The following TSHZ2 variants were observed in gnomAD, a reference collection of about 807,000 sequenced individuals.
TSHZ2 encodes teashirt homolog 2.
A neutral mutation model predicts 74.4 loss-of-function variants in TSHZ2; 21 were observed. The observed-to-expected ratio is 0.28, with a 90% CI of 0.20 to 0.41. TSHZ2 has a LOEUF of 0.41. TSHZ2 is among the 10% of genes least tolerant of loss of function. The probability of loss-of-function intolerance (pLI) is 1.00; values close to 1 mark genes in which losing one functional copy is unlikely to be tolerated. For missense variants in TSHZ2, 1,244 were observed against 1,293.5 expected, an observed-to-expected ratio of 0.96 and a Z score of 0.59; for synonymous variants, 540 against 515.3, an observed-to-expected ratio of 1.05 and a Z score of -0.65.
chr20:53,050,967 C>T (rs6068440), intron 1 of TSHZ2, among the ~76,000 whole-genome samples: 34,930 of 152,146 alleles, frequency 0.23, 7,588 homozygotes, highest in African/African-American at 0.57. Context: ...TTAGAGCTTT[C>T]AATAGATTAA....
rs554381777 is a variant in TSHZ2 at position 53,487,819 on chromosome 20, T to C, written c.*684T>C. On this transcript the variant is annotated 3_prime_UTR_variant, in exon 3 of 3. Transcript: ENST00000371497. ...TCATCTTCTGTGAAACTTGCTCAAA[T>C]AGTTAAGCTTAACCATGTTGCTGCC... 3.3e-5 allele frequency: 5 copies of C among 152,318 alleles called. No homozygotes were observed. In the South Asian group the frequency reaches 1.0e-3, roughly 32 times the overall value. 9.4% of individuals were successfully genotyped at this position (152,318 alleles called of 1,614,324 possible). A position where few individuals can be genotyped will look rare whatever the true frequency, so the allele number is the denominator to read the frequency against.
intron 2 of TSHZ2, among the ~76,000 whole-genome samples, chr20:53,449,138 G>C (rs1453033509): frequency 6.6e-6 from 1 of 152,098 alleles, no homozygotes; most frequent in African/African-American, 2.4e-5. Flanking sequence ...GATCACTCCA[G>C]ATTACCCTTT....
At chr20:53,324,681 ATCACC>A (rs1394221960) in intron 2 of TSHZ2, among the ~76,000 whole-genome samples, 2 of 152,262 alleles carry the variant, frequency 1.3e-5, no homozygotes, top group Admixed American at 1.3e-4. Flanking sequence ...CTCTGATCAC[ATCACC>A]TCCTCCGTGA....
chr20:53,164,441 A>C (rs1280322764), intron 1 of TSHZ2, among the ~76,000 whole-genome samples: 1 of 151,860 alleles, frequency 6.6e-6, no homozygotes, highest in African/African-American at 2.4e-5. Flanking sequence ...AAAAAAAGGA[A>C]TATACATAGG....
At chr20:53,476,402 C>T (rs959647728) in intron 2 of TSHZ2, among the ~76,000 whole-genome samples, 34 of 151,820 alleles carry the variant, frequency 2.2e-4, no homozygotes, top group Non-Finnish European at 4.4e-4. Flanking sequence ...GAGCCAAAGA[C>T]AAAAACCACA....
At chr20:53,050,156 CAT>C (rs11473079) in intron 1 of TSHZ2, among the ~76,000 whole-genome samples, 4 of 126,618 alleles carry the variant, frequency 3.2e-5, no homozygotes, top group Admixed American at 1.6e-4. Flanking sequence ...TATATATACA[CAT>C]ATATATGTAC....
intron 1 of TSHZ2, among the ~76,000 whole-genome samples, chr20:53,048,849 T>A (rs924648120): frequency 6.6e-6 from 1 of 152,232 alleles, no homozygotes; most frequent in African/African-American, 2.4e-5. Flanking sequence ...GCCAGTGTTC[T>A]GTGCAACACG....
chr20:53,329,580 G>A (rs1979635076), intron 2 of TSHZ2, among the ~76,000 whole-genome samples: 1 of 147,210 alleles, frequency 6.8e-6, no homozygotes. Context: ...CCATTAACCA[G>A]AAATCACCCA....
At chr20:53,306,128 C>T (rs942882857) in intron 2 of TSHZ2, among the ~76,000 whole-genome samples, 3 of 152,138 alleles carry the variant, frequency 2.0e-5, no homozygotes, top group Non-Finnish European at 4.4e-5. Flanking sequence ...GCTCTTTTGG[C>T]CTCATCCCTT....
At chr20:53,248,037 G>A (rs545666583) in intron 1 of TSHZ2, among the ~76,000 whole-genome samples, 24 of 152,222 alleles carry the variant, frequency 1.6e-4, no homozygotes, top group African/African-American at 5.8e-4. Flanking sequence ...AAAAAATTGA[G>A]GTGGTATAGT....
intron 2 of TSHZ2, among the ~76,000 whole-genome samples, chr20:53,266,784 T>G (rs1349969448): frequency 1.3e-5 from 2 of 148,664 alleles, no homozygotes; most frequent in African/African-American, 5.0e-5. Flanking sequence ...TTTTTTTTTT[T>G]TTTTTTTTTT....
intron 2 of TSHZ2, among the ~76,000 whole-genome samples, chr20:53,300,999 A>T (rs756883342): frequency 6.6e-6 from 1 of 152,010 alleles, no homozygotes; most frequent in Admixed American, 6.6e-5. Context: ...TCTGTCACCC[A>T]GGCTGGAGGC....
chr20:53,175,292 C>G (rs1474284887), intron 1 of TSHZ2, among the ~76,000 whole-genome samples: 2 of 151,982 alleles, frequency 1.3e-5, no homozygotes, highest in Non-Finnish European at 2.9e-5. Flanking sequence ...AGTCGCCCAC[C>G]ACCACGCCTG....
At chr20:53,438,309 C>T (rs1249590348) in intron 2 of TSHZ2, among the ~76,000 whole-genome samples, 1 of 151,902 alleles carries the variant, frequency 6.6e-6, no homozygotes, top group African/African-American at 2.4e-5. Context: ...GGGCTTTCAC[C>T]ATGTTGGCCA....
At chr20:53,280,000 G>A (rs528456574) in intron 2 of TSHZ2, among the ~76,000 whole-genome samples, 3 of 152,206 alleles carry the variant, frequency 2.0e-5, no homozygotes, top group Non-Finnish European at 4.4e-5. Flanking sequence ...TGAGCTCAAG[G>A]TGACAGACTC....
intron 1 of TSHZ2, chr20:53,196,426 T>G (rs1412939589): frequency 6.9e-6 from 1 of 145,548 alleles, no homozygotes; most frequent in Non-Finnish European, 1.5e-5. Context: ...CGCCACCTAG[T>G]GAAGTTCTTA....
intron 2 of TSHZ2, among the ~76,000 whole-genome samples, chr20:53,479,073 G>A (rs911947415): frequency 1.3e-5 from 2 of 151,766 alleles, no homozygotes; most frequent in South Asian, 2.1e-4. Context: ...ACTGAGGCAG[G>A]AGAATCACTT....
intron 1 of TSHZ2, among the ~76,000 whole-genome samples, chr20:52,986,806 T>G (rs1981783702): frequency 6.6e-6 from 1 of 152,226 alleles, no homozygotes; most frequent in Non-Finnish European, 1.5e-5. Flanking sequence ...GGGTTTTTCA[T>G]TGACTATGAC....
At chr20:53,069,010 GT>G (rs767079160) in intron 1 of TSHZ2, among the ~76,000 whole-genome samples, 7 of 152,078 alleles carry the variant, frequency 4.6e-5, no homozygotes, top group Non-Finnish European at 8.8e-5. Flanking sequence ...AAAAACAACT[GT>G]GTCGAGTGTT....
Sources: gnomAD v4.1 joint callset for allele counts (sites outside exome capture counted in the v4.1 genomes callset) on GRCh38, gnomAD v4.1.1 for gene constraint, MANE v1.5 for transcripts, NCBI Gene and HGNC (gene_info 2026-07-23, HGNC 2026-07-21) for gene names.